SLC7A14: variants seen among roughly 807,000 people sequenced by gnomAD.
The protein encoded by SLC7A14 is gamma-aminobutyric acid transporter SLC7A14.
A neutral mutation model predicts 60.2 loss-of-function variants in SLC7A14; 37 were observed. That is an observed-to-expected ratio of 0.61 (90% CI 0.47 to 0.81). The LOEUF (loss-of-function observed/expected upper bound fraction) is 0.81. Among genes scored for constraint, SLC7A14 ranks in the 30% least tolerant of loss-of-function variants. The probability of loss-of-function intolerance (pLI) is 0.00; values close to 1 mark genes in which losing one functional copy is unlikely to be tolerated. For missense variants in SLC7A14, 886 were observed against 982.7 expected (o/e 0.90, Z 1.32); for synonymous variants, 399 against 395.8 (o/e 1.01, Z -0.10).
intron 4 of SLC7A14, chr3:170,496,555 A>G: frequency 6.3e-7 from 1 of 1,597,236 alleles, no homozygotes; most frequent in Non-Finnish European, 8.6e-7. Context: ...CGTGAGTACC[A>G]GGAGCTGATG....
chr3:170,483,545 G>A (rs1397319970), intron 5 of SLC7A14, 23 bp from the exon 6 acceptor site: 8 of 1,613,552 alleles, frequency 5.0e-6, no homozygotes, highest in Non-Finnish European at 6.8e-6. Flanking sequence ...GAGAAGACAG[G>A]GCTGGAGGTA....
At chr3:170,515,839 TGAC>T (rs1313653394) in intron 2 of SLC7A14, among the ~76,000 whole-genome samples, 2 of 152,240 alleles carry the variant, frequency 1.3e-5, no homozygotes, top group Admixed American at 6.5e-5. Context: ...TCCCGACTTC[TGAC>T]GCAGGCCTGA....
At chr3:170,554,605 C>A (rs1006086836) in intron 1 of SLC7A14, among the ~76,000 whole-genome samples, 24 of 152,200 alleles carry the variant, frequency 1.6e-4, no homozygotes, top group Middle Eastern at 3.2e-3. Flanking sequence ...ACCAGCTGCC[C>A]TGACCACTGC....
intron 2 of SLC7A14, among the ~76,000 whole-genome samples, chr3:170,506,414 G>T (rs190235237): frequency 2.0e-5 from 3 of 152,306 alleles, no homozygotes; most frequent in African/African-American, 7.2e-5. Flanking sequence ...GTTAGAACTT[G>T]GAGTGAACTT....
chr3:170,547,120 T>C (rs1714204302), intron 1 of SLC7A14, among the ~76,000 whole-genome samples: 1 of 152,012 alleles, frequency 6.6e-6, no homozygotes, highest in Non-Finnish European at 1.5e-5. Context: ...CCATACCCCT[T>C]CCCCTCTTTC....
At chr3:170,502,063 G>A (rs1560260865) in intron 2 of SLC7A14, among the ~76,000 whole-genome samples, 1 of 152,156 alleles carries the variant, frequency 6.6e-6, no homozygotes, top group Non-Finnish European at 1.5e-5. Flanking sequence ...GAGGAGAGAT[G>A]TGAGACATGT....
chr3:170,530,507 C>T (rs1388569047), intron 1 of SLC7A14, among the ~76,000 whole-genome samples: 2 of 152,176 alleles, frequency 1.3e-5, no homozygotes, highest in Middle Eastern at 3.2e-3. Context: ...GCTTAAGATG[C>T]GCAGAGGTCA....
At chr3:170,495,348 T>A (rs1241036055) in intron 4 of SLC7A14, among the ~76,000 whole-genome samples, 1 of 152,208 alleles carries the variant, frequency 6.6e-6, no homozygotes, top group Non-Finnish European at 1.5e-5. Context: ...CCTGCTACAA[T>A]GAAAATGCAA....
intron 7 of SLC7A14, among the ~76,000 whole-genome samples, chr3:170,470,781 A>C (rs534890205): frequency 2.8e-4 from 42 of 152,188 alleles, no homozygotes; most frequent in Non-Finnish European, 4.3e-4. Context: ...CATCTGTCCC[A>C]CATAAACAAG....
intron 1 of SLC7A14, among the ~76,000 whole-genome samples, chr3:170,534,586 G>A (rs1259050310): frequency 6.6e-6 from 1 of 152,094 alleles, no homozygotes; most frequent in Non-Finnish European, 1.5e-5. Context: ...TCTCTGAAAT[G>A]GGCAGATATC....
intron 1 of SLC7A14, among the ~76,000 whole-genome samples, chr3:170,559,327 A>G (rs1714573678): frequency 6.6e-6 from 1 of 152,222 alleles, no homozygotes; most frequent in Non-Finnish European, 1.5e-5. Flanking sequence ...TTGAATCAGA[A>G]GAGCTAATCG....
chr3:170,486,656 G>A (rs538989280), intron 4 of SLC7A14, among the ~76,000 whole-genome samples: 2 of 152,176 alleles, frequency 1.3e-5, no homozygotes, highest in East Asian at 1.9e-4. Context: ...GGTGGATCAC[G>A]AGGTCAGGAG....
chr3:170,547,046 A>C (rs1476909886), intron 1 of SLC7A14, among the ~76,000 whole-genome samples: 2 of 152,202 alleles, frequency 1.3e-5, no homozygotes, highest in African/African-American at 4.8e-5. Context: ...AAGCCTTCCC[A>C]GGTGATTCTA....
Position 170,490,363 on chromosome 3 carries a change from TAAAC to T in SLC7A14, c.760-3999_760-3996del, listed in dbSNP as rs776873914. ...ACATGCAAATACATATAAACACAGA[TAAAC>T]ACACATACATACACATGCAAACACA... On this transcript the variant is annotated intron_variant, in intron 4 of 7. Transcript: ENST00000231706. Among the ~76,000 whole-genome samples, 42 of 152,026 alleles carry T rather than the reference TAAAC, an allele frequency of 2.8e-4. No homozygotes were observed. In the South Asian group the frequency reaches 6.0e-3, roughly 22 times the overall value.
At chr3:170,579,728 C>T (rs1715186501) in intron 1 of SLC7A14, among the ~76,000 whole-genome samples, 1 of 152,240 alleles carries the variant, frequency 6.6e-6, no homozygotes, top group African/African-American at 2.4e-5. Flanking sequence ...AGCTAAGCTT[C>T]TTCTGAATTT....
intron 1 of SLC7A14, among the ~76,000 whole-genome samples, chr3:170,533,838 GTGTT>G (rs1270159147): frequency 1.3e-5 from 2 of 152,166 alleles, no homozygotes; most frequent in African/African-American, 4.8e-5. Flanking sequence ...TCTTTGCTGA[GTGTT>G]TGATCAAACC....
At chr3:170,513,031 C>T (rs569742883) in intron 2 of SLC7A14, among the ~76,000 whole-genome samples, 27 of 152,276 alleles carry the variant, frequency 1.8e-4, no homozygotes, top group African/African-American at 6.5e-4. Context: ...TACTGTTCTT[C>T]CGAAGAATCT....
At chr3:170,496,737 C>T in intron 4 of SLC7A14, 1 of 769,256 alleles carries the variant, frequency 1.3e-6, no homozygotes, top group Non-Finnish European at 2.3e-6. Context: ...GCCCTGGCCT[C>T]AGCTATGGCC....
intron 2 of SLC7A14, among the ~76,000 whole-genome samples, chr3:170,516,019 T>A (rs1458378518): frequency 2.6e-5 from 4 of 152,200 alleles, no homozygotes; most frequent in African/African-American, 9.7e-5. Flanking sequence ...TAGGTGCTCA[T>A]GGCATGCACT....
Sources: gnomAD v4.1 joint callset for allele counts (sites outside exome capture counted in the v4.1 genomes callset) on GRCh38, gnomAD v4.1.1 for gene constraint, MANE v1.5 for transcripts, NCBI Gene and HGNC (gene_info 2026-07-23, HGNC 2026-07-21) for gene names.